DIAPH3: variants seen among roughly 807,000 people sequenced by gnomAD.
DIAPH3 encodes protein diaphanous homolog 3.
Under a neutral mutation model 144.3 loss-of-function variants are expected in DIAPH3, and 117 were observed. That is an observed-to-expected ratio of 0.81 (90% CI 0.70 to 0.95). The LOEUF (loss-of-function observed/expected upper bound fraction) is 0.95, where lower values mean the gene tolerates loss of function less well. Among genes scored for constraint, DIAPH3 ranks in the 40% least tolerant of loss-of-function variants. DIAPH3 has a pLI of 0.00. For missense variants in DIAPH3, 1,421 were observed against 1,412.7 expected (o/e 1.01, Z -0.09); for synonymous variants, 519 against 488.9 (o/e 1.06, Z -0.81).
intron 27 of DIAPH3, among the ~76,000 whole-genome samples, chr13:59,769,803 A>C (rs1461633215): frequency 1.3e-5 from 2 of 152,060 alleles, no homozygotes; most frequent in Non-Finnish European, 2.9e-5. Context: ...CTGATTTCTT[A>C]ACACTCAAAC....
At chr13:59,966,143 A>G (rs1364617347) in intron 17 of DIAPH3, among the ~76,000 whole-genome samples, 1 of 152,200 alleles carries the variant, frequency 6.6e-6, no homozygotes, top group African/African-American at 2.4e-5. Flanking sequence ...GATTTTTCAC[A>G]GGAAAAGGAT....
At chr13:60,081,366 G>C (rs1480635698) in intron 4 of DIAPH3, among the ~76,000 whole-genome samples, 2 of 151,970 alleles carry the variant, frequency 1.3e-5, no homozygotes, top group African/African-American at 4.8e-5. Context: ...AGAGCTAACA[G>C]CTAAAAGTTA....
intron 27 of DIAPH3, among the ~76,000 whole-genome samples, chr13:59,676,367 G>A (rs993851907): frequency 6.6e-6 from 1 of 152,112 alleles, no homozygotes; most frequent in Non-Finnish European, 1.5e-5. Context: ...CTTAGTCACT[G>A]GCTCTGTTGA....
chr13:59,983,147 A>AAAC (rs2051132727), intron 13 of DIAPH3, among the ~76,000 whole-genome samples: 2 of 149,836 alleles, frequency 1.3e-5, no homozygotes, highest in Non-Finnish European at 3.0e-5. Flanking sequence ...TTTAAAAAAA[A>AAAC]AAAAAAAAAA....
In DIAPH3 at chr13:59,762,054, T is replaced by G. The variant is rs1412527019; in HGVS notation, c.3319+12135A>C. On this transcript the variant is annotated intron_variant, in intron 27 of 27. Transcript: ENST00000400324. ...ACCCAAGATGAAAGCGTCAGCATCT[T>G]TTTTTTTTTTTTTTTTTTTTTTTTT... Among the ~76,000 whole-genome samples, 6 of 24,250 alleles carry G rather than the reference T, an allele frequency of 2.5e-4. No individual in the cohort carries two copies. The South Asian group carries it at 1.0e-2, about 40-fold the overall frequency. 15.9% of individuals were successfully genotyped at this position (24,250 alleles called of 152,430 possible). A position where few individuals can be genotyped will look rare whatever the true frequency, so the allele number is the denominator to read the frequency against.
chr13:60,079,758 C>T (rs552462588), intron 4 of DIAPH3, among the ~76,000 whole-genome samples: 18 of 151,784 alleles, frequency 1.2e-4, no homozygotes, highest in South Asian at 4.1e-4. Flanking sequence ...ATTTCATGTG[C>T]GGGAAAAATA....
chr13:60,087,082 T>C (rs920420156), intron 4 of DIAPH3, among the ~76,000 whole-genome samples: 1 of 152,226 alleles, frequency 6.6e-6, no homozygotes, highest in East Asian at 1.9e-4. Flanking sequence ...GTAAATGCTA[T>C]GTAAATAGTC....
rs556759080 is a variant in DIAPH3 at position 59,921,283 on chromosome 13, A to AG, written c.2170+3491_2170+3492insC. On this transcript the variant is annotated intron_variant, in intron 18 of 27. Transcript: ENST00000400324. Reference sequence around the variant, plus strand: ...GGAGACCAGAAAATACCAAAAAAAAAAAAGAAAGAAAAAACAACCAAAAAT... The same window carrying AG: ...GGAGACCAGAAAATACCAAAAAAAAAGAAAGAAAGAAAAAACAACCAAAAAT... 4.6e-4 allele frequency among the ~76,000 whole-genome samples: 70 copies of AG among 151,278 alleles called. No individual in the cohort carries two copies. In the East Asian group the frequency reaches 0.012, roughly 25 times the overall value.
At chr13:60,156,939 A>T (rs868546683) in intron 1 of DIAPH3, among the ~76,000 whole-genome samples, 42 of 82,042 alleles carry the variant, frequency 5.1e-4, no homozygotes, top group East Asian at 3.4e-3. Flanking sequence ...ATATATATAT[A>T]TTTTTTTTTT....
At chr13:60,160,530 C>A (rs1952243220) in intron 1 of DIAPH3, among the ~76,000 whole-genome samples, 1 of 152,204 alleles carries the variant, frequency 6.6e-6, no homozygotes, top group Non-Finnish European at 1.5e-5. Flanking sequence ...ACAGGTATTA[C>A]TGAAAGGCTT....
chr13:59,879,712 AAT>A (rs1199936082), intron 20 of DIAPH3, among the ~76,000 whole-genome samples: 1 of 152,184 alleles, frequency 6.6e-6, no homozygotes, highest in Non-Finnish European at 1.5e-5. Context: ...ATTAAATGAT[AAT>A]GTTTAATTAA....
intron 17 of DIAPH3, among the ~76,000 whole-genome samples, chr13:59,939,242 T>C (rs1199103298): frequency 6.6e-6 from 1 of 152,188 alleles, no homozygotes; most frequent in Non-Finnish European, 1.5e-5. Flanking sequence ...GGTTTGACTA[T>C]TTATATAATG....
intron 3 of DIAPH3, among the ~76,000 whole-genome samples, chr13:60,104,988 C>T (rs999101948): frequency 1.3e-5 from 2 of 149,894 alleles, no homozygotes; most frequent in African/African-American, 4.9e-5. Flanking sequence ...CCCAGCTACT[C>T]GGGAGGCTGA....
chr13:60,114,119 T>C (rs2058639822), intron 2 of DIAPH3, among the ~76,000 whole-genome samples: 1 of 152,014 alleles, frequency 6.6e-6, no homozygotes, highest in Non-Finnish European at 1.5e-5. Flanking sequence ...GTCAAAGAGA[T>C]TTCCTGAAGA....
intron 27 of DIAPH3, among the ~76,000 whole-genome samples, chr13:59,750,010 C>T (rs867799682): frequency 6.6e-6 from 1 of 152,116 alleles, no homozygotes. Flanking sequence ...TGAGTTGAAA[C>T]CTTCCTTCCC....
intron 23 of DIAPH3, among the ~76,000 whole-genome samples, chr13:59,837,050 T>C (rs1440581446): frequency 1.3e-5 from 2 of 151,994 alleles, no homozygotes; most frequent in Non-Finnish European, 2.9e-5. Flanking sequence ...GAAACTAGTA[T>C]GTCTAACTAA....
chr13:59,972,963 C>T (rs932502029), intron 15 of DIAPH3, among the ~76,000 whole-genome samples: 2 of 152,072 alleles, frequency 1.3e-5, no homozygotes, highest in African/African-American at 4.8e-5. Flanking sequence ...AGATAAATGC[C>T]CACATTTCAT....
intron 24 of DIAPH3, among the ~76,000 whole-genome samples, chr13:59,826,586 C>T (rs1340788192): frequency 1.1e-4 from 17 of 149,162 alleles, no homozygotes; most frequent in Middle Eastern, 3.3e-3. Context: ...GAATCAATAT[C>T]GTGAAAATGG....
At chr13:60,152,923 C>T (rs984407520) in intron 1 of DIAPH3, among the ~76,000 whole-genome samples, 1 of 152,134 alleles carries the variant, frequency 6.6e-6, no homozygotes, top group Admixed American at 6.5e-5. Context: ...TAACTCAAGT[C>T]ATCTCTGGGT....
Sources: gnomAD v4.1 joint callset for allele counts (sites outside exome capture counted in the v4.1 genomes callset) on GRCh38, gnomAD v4.1.1 for gene constraint, MANE v1.5 for transcripts, NCBI Gene and HGNC (gene_info 2026-07-23, HGNC 2026-07-21) for gene names.